The following DNAJC6 variants were observed in gnomAD, a reference collection of about 807,000 sequenced individuals.
DNAJC6 encodes the protein auxilin.
A neutral mutation model predicts 110.0 loss-of-function variants in DNAJC6; 34 were observed. That is an observed-to-expected ratio of 0.31 (90% confidence interval 0.24 to 0.41). DNAJC6 has a LOEUF of 0.41. DNAJC6 is among the 10% of genes least tolerant of loss of function. DNAJC6 has a pLI of 1.00. For synonymous variants in DNAJC6, 406 were observed against 437.2 expected, an observed-to-expected ratio of 0.93 and a Z score of 0.89; for missense variants, 1,031 against 1,207.8, an observed-to-expected ratio of 0.85 and a Z score of 2.17.
At chr1:65,310,767 A>G (rs946754313) in intron 1 of DNAJC6, among the ~76,000 whole-genome samples, 13 of 152,138 alleles carry the variant, frequency 8.5e-5, no homozygotes, top group Non-Finnish European at 1.9e-4. Context: ...TCCATGTTGG[A>G]CTAGGAGTAT....
At chr1:65,408,513 G>A (rs1646097897) in intron 16 of DNAJC6, 128 bp from the exon 17 acceptor site, 1 of 1,028,764 alleles carries the variant, frequency 9.7e-7, no homozygotes, top group Non-Finnish European at 1.4e-6. Flanking sequence ...CACAGGGTAA[G>A]CAAGCATGAG....
chr1:65,373,288 G>A (rs1053897611), intron 4 of DNAJC6, among the ~76,000 whole-genome samples: 5 of 152,070 alleles, frequency 3.3e-5, no homozygotes, highest in South Asian at 4.1e-4. Context: ...CTTTATATTC[G>A]ATATATTGAT....
intron 4 of DNAJC6, among the ~76,000 whole-genome samples, chr1:65,375,104 C>T (rs1645747987): frequency 1.3e-5 from 2 of 151,808 alleles, no homozygotes. Flanking sequence ...GCTGGGATTA[C>T]AGGCACCTAC....
chr1:65,279,778 C>G (rs1435839548), intron 1 of DNAJC6: 1 of 152,238 alleles, frequency 6.6e-6, no homozygotes, highest in Non-Finnish European at 1.5e-5. Flanking sequence ...CTCCTTCCCA[C>G]TCGCTGCCTA....
rs1557544113 is a variant in DNAJC6 at position 65,365,954 on chromosome 1, T to G, written c.394+20T>G. 1 of 1,613,420 alleles carries G rather than the reference T, an allele frequency of 6.2e-7. No individual in the cohort carries two copies. The highest frequency in any genetic ancestry group is 8.5e-7 in the Non-Finnish European group (1 of 1,179,592). On this transcript the variant is annotated intron_variant, in intron 3 of 18. Coordinates refer to ENST00000371069, the MANE Select transcript of DNAJC6 (RefSeq NM_001256864.2). ...TTATTGGTAAGTTTCTCATGTTTAT[T>G]AACAGTCCTTTGGCTCAGTTTCCCG...
At chr1:65,304,328 A>T (rs189607750) in intron 1 of DNAJC6, among the ~76,000 whole-genome samples, 9 of 152,282 alleles carry the variant, frequency 5.9e-5, no homozygotes, top group Admixed American at 5.9e-4. Flanking sequence ...CTTCTGTTAA[A>T]TGTCATCCAT....
intron 1 of DNAJC6, among the ~76,000 whole-genome samples, chr1:65,353,708 G>A (rs1486607263): frequency 1.3e-5 from 2 of 151,970 alleles, no homozygotes; most frequent in African/African-American, 4.8e-5. Context: ...AGCTAGTATT[G>A]GTTTCTTAAT....
chr1:65,302,272 AT>A (rs1415354795), intron 1 of DNAJC6, among the ~76,000 whole-genome samples: 1 of 19,718 alleles, frequency 5.1e-5, no homozygotes, highest in Non-Finnish European at 8.5e-5. Flanking sequence ...TATATTATAT[AT>A]TATATAATAT....
chr1:65,411,668 G>C (rs1320632236), intron 18 of DNAJC6, among the ~76,000 whole-genome samples: 2 of 152,042 alleles, frequency 1.3e-5, no homozygotes, highest in East Asian at 3.9e-4. Flanking sequence ...TTAATTTTTA[G>C]GGCTCAGAAG....
intron 1 of DNAJC6, among the ~76,000 whole-genome samples, chr1:65,302,151 ATATT>A (rs1326625786): frequency 4.9e-5 from 7 of 142,160 alleles, no homozygotes; most frequent in Admixed American, 1.4e-4. Context: ...CGTATTATAT[ATATT>A]TATTATATAT....
intron 1 of DNAJC6, among the ~76,000 whole-genome samples, chr1:65,341,682 C>T (rs1645390548): frequency 6.6e-6 from 1 of 152,136 alleles, no homozygotes; most frequent in Non-Finnish European, 1.5e-5. Flanking sequence ...CATGCTCTTT[C>T]TCCACCTTCT....
chr1:65,394,997 T>G lies in DNAJC6; in HGVS notation c.2003T>G (p.Leu668Arg), dbSNP rs1363537326. 1.2e-6 allele frequency: 2 copies of G among 1,612,444 alleles called. No individual in the cohort carries two copies. Among genetic ancestry groups the G allele is most frequent in the Non-Finnish European group, 1.7e-6 (2 of 1,179,498 alleles). ...TCCAGTGCTTCCAGTGACCCCTTTCTCCAGCCAACAAGAAGTCCTTCGCCC... is the reference window on the plus strand; with the variant it reads ...TCCAGTGCTTCCAGTGACCCCTTTCGCCAGCCAACAAGAAGTCCTTCGCCC... ...NTSSASSDPF[L>R]QPTRSPSPTV... Residue 668 changes from leucine (L) to arginine (R), a missense_variant, in exon 13 of 19, where the codon CTC (leucine) becomes CGC (arginine). Physicochemically the swap from Leu to Arg is moderately radical, Grantham distance 102. Transcript: ENST00000371069.
intron 1 of DNAJC6, among the ~76,000 whole-genome samples, chr1:65,290,136 G>A (rs552390706): frequency 2.6e-4 from 39 of 152,260 alleles, no homozygotes; most frequent in African/African-American, 8.4e-4. Flanking sequence ...AACAACACAC[G>A]TATATATCTT....
At chr1:65,361,793 G>A (rs1645599672) in intron 1 of DNAJC6, among the ~76,000 whole-genome samples, 1 of 152,102 alleles carries the variant, frequency 6.6e-6, no homozygotes. Flanking sequence ...CTGCTTGTAG[G>A]TATAATCTAG....
chr1:65,273,412 T>C (rs1451289772), intron 1 of DNAJC6, among the ~76,000 whole-genome samples: 2 of 152,028 alleles, frequency 1.3e-5, no homozygotes, highest in Non-Finnish European at 2.9e-5. Flanking sequence ...GCTTGGCCAA[T>C]GTGGTGAAAC....
intron 1 of DNAJC6, among the ~76,000 whole-genome samples, chr1:65,349,758 T>C (rs1645474222): frequency 6.6e-6 from 1 of 152,184 alleles, no homozygotes; most frequent in Non-Finnish European, 1.5e-5. Flanking sequence ...TCATTGGCAG[T>C]CTTATTCTGA....
chr1:65,318,716 G>A (rs187827266), intron 1 of DNAJC6, among the ~76,000 whole-genome samples: 6 of 152,290 alleles, frequency 3.9e-5, no homozygotes, highest in East Asian at 1.9e-4. Flanking sequence ...TGGGTGGGGC[G>A]GGGGAAGGAG....
chr1:65,412,755 G>C (rs1313174301), intron 18 of DNAJC6, among the ~76,000 whole-genome samples, 169 bp from the exon 19 acceptor site: 1 of 152,126 alleles, frequency 6.6e-6, no homozygotes, highest in Non-Finnish European at 1.5e-5. Flanking sequence ...GTCATTATGG[G>C]GAGGTTATAG....
At chr1:65,380,452 T>C (rs1645806697) in intron 5 of DNAJC6, among the ~76,000 whole-genome samples, 1 of 152,256 alleles carries the variant, frequency 6.6e-6, no homozygotes, top group South Asian at 2.1e-4. Context: ...AAGAACATTT[T>C]TTCTTTCTTT....
Sources: gnomAD v4.1 joint callset for allele counts (sites outside exome capture counted in the v4.1 genomes callset) on GRCh38, gnomAD v4.1.1 for gene constraint, MANE v1.5 for transcripts, NCBI Gene and HGNC (gene_info 2026-07-23, HGNC 2026-07-21) for gene names.